Variants in ZNF654 observed in about 807,000 individuals in gnomAD.
ZNF654 encodes the protein melanoma-associated antigen.
A neutral mutation model predicts 95.3 loss-of-function variants in ZNF654; 19 were observed. That is an observed-to-expected ratio of 0.20 (90% CI 0.14 to 0.29). The LOEUF is 0.29. ZNF654 is among the 10% of genes least tolerant of loss of function. The pLI is 1.00. For missense variants in ZNF654, 1,046 were observed against 1,341.0 expected (o/e 0.78, Z 3.44); for synonymous variants, 413 against 457.9 (o/e 0.90, Z 1.25).
chr3:88,071,972 A>T (rs4588391), intron 1 of ZNF654, among the ~76,000 whole-genome samples: 2 of 152,074 alleles, frequency 1.3e-5, no homozygotes, highest in Non-Finnish European at 2.9e-5. Flanking sequence ...TTTCTTGTCA[A>T]ACAGTACATA....
Position 88,140,623 on chromosome 3 carries a change from A to G in ZNF654, c.2954A>G (p.Gln985Arg), listed in dbSNP as rs772758483. 1 of 1,613,648 alleles carries G rather than the reference A, an allele frequency of 6.2e-7. No individual in the cohort carries two copies. Among genetic ancestry groups the G allele is most frequent in the African/African-American group, 1.3e-5 (1 of 74,906 alleles). ...GTCAATGGACACAGTGAAATAGAGC[A>G]AACACCTTTAGTTTCATCAGATCCT... ...DIVNGHSEIE[Q>R]TPLVSSDPAL... The change falls in exon 8 of 9, where the codon CAA becomes CGA. Residue 985 changes from glutamine (Q) to arginine (R), a missense_variant. By Grantham distance (43) the Gln-to-Arg change is conservative. Transcript: ENST00000636215.
chr3:88,081,473 A>G (rs1708073289), intron 1 of ZNF654, among the ~76,000 whole-genome samples: 3 of 152,150 alleles, frequency 2.0e-5, no homozygotes, highest in African/African-American at 4.8e-5. Context: ...GTGTCTGCCT[A>G]ATGGTGCTTC....
In ZNF654 at chr3:88,140,421, A is replaced by G; in HGVS notation, c.2752A>G (p.Arg918Gly). ...TCTGCCAGTTTCTACTAGCAAATCA[A>G]GGAAAGAGTCTACAGAACCAAAGAC... Reference protein sequence around the residue: ...ISLPVSTSKSRKESTEPKTCI... With the variant: ...ISLPVSTSKSGKESTEPKTCI... The change falls in exon 8 of 9, where the codon AGG becomes GGG. Residue 918 changes from arginine to glycine, a missense_variant. Around this residue, in one of 9 missense-constraint regions of ZNF654, gnomAD observed 495 missense variants for 537.0 expected, o/e 0.92. Transcript: ENST00000636215. 1 of 1,613,508 alleles carries G rather than the reference A, an allele frequency of 6.2e-7. No individual in the cohort carries two copies.
At chr3:88,106,800 T>A (rs150477952) in intron 2 of ZNF654, among the ~76,000 whole-genome samples, 1 of 152,334 alleles carries the variant, frequency 6.6e-6, no homozygotes, top group South Asian at 2.1e-4. Context: ...AACCAAGTTA[T>A]ATGAGGATTT....
In ZNF654 at chr3:88,142,435, A is replaced by T. The variant is rs1707178120; in HGVS notation, c.*783A>T. Reference sequence around the variant, plus strand: ...AAACCGATCAGTACTCTGGGGAGAGATGAAAGGAATCTAAGACTTTACAGG... The same window carrying T: ...AAACCGATCAGTACTCTGGGGAGAGTTGAAAGGAATCTAAGACTTTACAGG... On this transcript the variant is annotated 3_prime_UTR_variant, in exon 9 of 9. Coordinates refer to ENST00000636215, the MANE Select transcript of ZNF654 (RefSeq NM_001350134.2). The T allele has an allele frequency of 1.3e-5, 2 of 152,394 alleles. No individual in the cohort carries two copies. Among genetic ancestry groups the T allele is most frequent in the South Asian group, 4.1e-4 (2 of 4,826 alleles). 9.4% of individuals were successfully genotyped at this position (152,394 alleles called of 1,614,324 possible).
At chr3:88,132,959 G>A (rs1008565004) in intron 6 of ZNF654, among the ~76,000 whole-genome samples, 1 of 152,160 alleles carries the variant, frequency 6.6e-6, no homozygotes, top group African/African-American at 2.4e-5. Flanking sequence ...AAGGCCACAG[G>A]TAGTTCTCAA....
intron 1 of ZNF654, among the ~76,000 whole-genome samples, chr3:88,080,394 G>C (rs532914364): frequency 6.0e-4 from 91 of 152,068 alleles, no homozygotes; most frequent in African/African-American, 2.2e-3. Flanking sequence ...TATCTGTACT[G>C]TCTTTATATC....
intron 1 of ZNF654, among the ~76,000 whole-genome samples, chr3:88,063,222 C>G (rs1475677145): frequency 1.3e-5 from 2 of 152,158 alleles, no homozygotes; most frequent in African/African-American, 2.4e-5. Flanking sequence ...AAAGAATTAT[C>G]TGGTCCGGAA....
rs1233073979 is a variant in ZNF654 at position 88,141,686 on chromosome 3, A to G, written c.*34A>G. 2 of 1,474,598 alleles carry G rather than the reference A, an allele frequency of 1.4e-6. No homozygotes were observed. Among genetic ancestry groups the G allele is most frequent in the Middle Eastern group, 1.8e-4 (1 of 5,688 alleles). The allele number at this position is 1,474,598 out of a possible 1,614,324, so 91.3% of individuals were successfully genotyped here. On this transcript the variant is annotated 3_prime_UTR_variant, in exon 9 of 9. Coordinates refer to ENST00000636215, the MANE Select transcript of ZNF654 (RefSeq NM_001350134.2). ...GTTCAGAAAGATCTGTCAATCAAGC[A>G]GTAGTGTGAAAAAAGCACTATAAGA...
At chr3:88,102,723 C>A (rs1159174170) in intron 2 of ZNF654, among the ~76,000 whole-genome samples, 2 of 151,376 alleles carry the variant, frequency 1.3e-5, no homozygotes, top group Non-Finnish European at 2.9e-5. Flanking sequence ...AACTTCTAAC[C>A]GGTTTTACTC....
intron 2 of ZNF654, among the ~76,000 whole-genome samples, chr3:88,097,802 A>T (rs1007118088): frequency 6.6e-6 from 1 of 152,218 alleles, no homozygotes; most frequent in Admixed American, 6.5e-5. Flanking sequence ...AAGACACAAC[A>T]TAACAGAATA....
chr3:88,059,466 C>T lies in ZNF654; in HGVS notation c.147C>T (p.Val49=). ...GAGSGNCGGG[V]GISSRDYCRR... Reference sequence around the variant, plus strand: ...GCAGCGGCAACTGCGGCGGCGGCGTCGGAATCAGCAGTCGGGATTACTGCC... The same window carrying T: ...GCAGCGGCAACTGCGGCGGCGGCGTTGGAATCAGCAGTCGGGATTACTGCC... Residue 49 remains valine, a synonymous_variant, in exon 1 of 9, where the codon GTC becomes GTT. Transcript: ENST00000636215. The T allele has an allele frequency of 6.6e-7, 1 of 1,520,434 alleles. No homozygotes were observed. 94.2% of individuals were successfully genotyped at this position (1,520,434 alleles called of 1,614,324 possible). A position where few individuals can be genotyped will look rare whatever the true frequency, so the allele number is the denominator to read the frequency against.
intron 1 of ZNF654, among the ~76,000 whole-genome samples, chr3:88,060,876 C>G (rs1443879821): frequency 2.6e-5 from 4 of 152,028 alleles, no homozygotes; most frequent in Non-Finnish European, 5.9e-5. Context: ...TGACATTTTT[C>G]AGGTAAGTTT....
chr3:88,091,231 C>A lies in ZNF654; in HGVS notation c.332+4829C>A, dbSNP rs193032341. On this transcript the variant is annotated intron_variant, in intron 2 of 8. Coordinates refer to ENST00000636215, the MANE Select transcript of ZNF654 (RefSeq NM_001350134.2). ...GACTGTACTATGTTAGCTGCCCCATCAGAACCACAGAAGTGTTGGAGAGAG... is the reference window on the plus strand; with the variant it reads ...GACTGTACTATGTTAGCTGCCCCATAAGAACCACAGAAGTGTTGGAGAGAG... Among the ~76,000 whole-genome samples the A allele has an allele frequency of 1.4e-4, 22 of 152,314 alleles. No homozygotes were observed. In the East Asian group the frequency reaches 1.7e-3, roughly 12 times the overall value.
In ZNF654 at chr3:88,139,710, A is replaced by G; in HGVS notation, c.2041A>G (p.Ser681Gly). 6.4e-7 allele frequency: 1 copy of G among 1,570,904 alleles called. No homozygotes were observed. The highest frequency in any genetic ancestry group is 8.6e-7 in the Non-Finnish European group (1 of 1,156,728). The stretch of plus-strand genomic sequence containing the variant: ...TATTGAAAATGTTATTGAAAATGGC[A>G]GTCCTAATAATTCTTTAAATAATGT... The part of the protein sequence containing the change: ...DVIENVIENG[S>G]PNNSLNNVFK... Residue 681 changes from serine to glycine, a missense_variant, in exon 8 of 9, where the codon AGT (serine) becomes GGT (glycine). Around this residue, in one of 9 missense-constraint regions of ZNF654, gnomAD observed 495 missense variants for 537.0 expected, o/e 0.92. Transcript: ENST00000636215.
chr3:88,136,090 C>T lies in ZNF654; in HGVS notation c.1035+888C>T, dbSNP rs374577885. Reference sequence around the variant, plus strand: ...CATTCAAATGCATTCTCAAAGTAAACTCCTTCCAGCAAAAGAGGAAAACTA... The same window carrying T: ...CATTCAAATGCATTCTCAAAGTAAATTCCTTCCAGCAAAAGAGGAAAACTA... On this transcript the variant is annotated intron_variant, in intron 7 of 8. Transcript: ENST00000636215. 4.1e-4 allele frequency among the ~76,000 whole-genome samples: 63 copies of T among 152,154 alleles called. No individual in the cohort carries two copies. The South Asian group carries it at 5.6e-3, about 14-fold the overall frequency.
At chr3:88,111,467 G>T (rs1705084786) in intron 2 of ZNF654, among the ~76,000 whole-genome samples, 1 of 151,462 alleles carries the variant, frequency 6.6e-6, no homozygotes, top group Admixed American at 6.6e-5. Flanking sequence ...TATATCTCTG[G>T]GTCTTTGCTT....
intron 3 of ZNF654, among the ~76,000 whole-genome samples, chr3:88,121,563 C>T (rs1705769635): frequency 6.6e-6 from 1 of 151,928 alleles, no homozygotes; most frequent in African/African-American, 2.4e-5. Context: ...TCCTCAGGAA[C>T]CTATCATAAA....
At chr3:88,074,201 G>C (rs970288879) in intron 1 of ZNF654, among the ~76,000 whole-genome samples, 1 of 152,156 alleles carries the variant, frequency 6.6e-6, no homozygotes, top group Non-Finnish European at 1.5e-5. Context: ...ATCAGAGCCA[G>C]TGGGTTTCTC....
Sources: gnomAD v4.1 joint callset for allele counts (sites outside exome capture counted in the v4.1 genomes callset) on GRCh38, gnomAD v4.1.1 for gene constraint, gnomAD v4.1.1 regional missense constraint, MANE v1.5 for transcripts, NCBI Gene and HGNC (gene_info 2026-07-23, HGNC 2026-07-21) for gene names.